Variants in ROBO1 observed in about 807,000 individuals in gnomAD.
ROBO1 encodes roundabout homolog 1.
Under a neutral mutation model 195.9 loss-of-function variants are expected in ROBO1, and 149 were observed. That is an observed-to-expected ratio of 0.76 (90% CI 0.67 to 0.87). The LOEUF (loss-of-function observed/expected upper bound fraction) is 0.87, where lower values mean the gene tolerates loss of function less well. Among genes scored for constraint, ROBO1 ranks in the 40% least tolerant of loss-of-function variants. The pLI is 0.00. For synonymous variants in ROBO1, 816 were observed against 733.2 expected, an observed-to-expected ratio of 1.11 and a Z score of -1.82; for missense variants, 1,933 against 2,068.3, an observed-to-expected ratio of 0.93 and a Z score of 1.27.
chr3:79,176,294 A>C (rs1362255791), intron 2 of ROBO1, among the ~76,000 whole-genome samples: 1 of 152,190 alleles, frequency 6.6e-6, no homozygotes, highest in African/African-American at 2.4e-5. Context: ...CTCTCTGCTT[A>C]ATGTCATGAC....
intron 2 of ROBO1, among the ~76,000 whole-genome samples, chr3:79,176,592 G>T (rs1457843557): frequency 6.6e-6 from 1 of 151,956 alleles, no homozygotes; most frequent in African/African-American, 2.4e-5. Context: ...CAAGTAGCTG[G>T]GACTACAGGC....
At chr3:79,006,509 CTTATTA>C (rs1274185075) in intron 3 of ROBO1, among the ~76,000 whole-genome samples, 6 of 151,858 alleles carry the variant, frequency 4.0e-5, no homozygotes, top group African/African-American at 1.5e-4. Flanking sequence ...GGTGCAAGCG[CTTATTA>C]TTATTATTAA....
intron 4 of ROBO1, among the ~76,000 whole-genome samples, chr3:78,754,294 G>GT (rs1398462030): frequency 6.6e-6 from 1 of 152,118 alleles, no homozygotes; most frequent in Non-Finnish European, 1.5e-5. Flanking sequence ...ATTGATGAGG[G>GT]TTTTAAAGTG....
At chr3:79,718,674 A>G (rs1702584066) in intron 1 of ROBO1, among the ~76,000 whole-genome samples, 1 of 152,096 alleles carries the variant, frequency 6.6e-6, no homozygotes, top group South Asian at 2.1e-4. Flanking sequence ...AGCCACAAAT[A>G]GAAAATGGGC....
At chr3:79,534,370 A>G (rs963329206) in intron 2 of ROBO1, among the ~76,000 whole-genome samples, 7 of 151,972 alleles carry the variant, frequency 4.6e-5, no homozygotes, top group African/African-American at 7.2e-5. Flanking sequence ...TGTAGAGAGC[A>G]TAGTTGTCGC....
intron 24 of ROBO1, among the ~76,000 whole-genome samples, chr3:78,633,048 T>C (rs1298316564): frequency 6.6e-6 from 1 of 152,154 alleles, no homozygotes; most frequent in Non-Finnish European, 1.5e-5. Flanking sequence ...CAGACCAGCG[T>C]GTTAGTTAAG....
intron 10 of ROBO1, among the ~76,000 whole-genome samples, chr3:78,681,540 T>G (rs1237247963): frequency 6.6e-6 from 1 of 152,168 alleles, no homozygotes; most frequent in African/African-American, 2.4e-5. Flanking sequence ...AACCTATATT[T>G]GAAGAGTTAG....
At chr3:79,167,534 A>G (rs1405321264) in intron 2 of ROBO1, among the ~76,000 whole-genome samples, 2 of 152,206 alleles carry the variant, frequency 1.3e-5, no homozygotes, top group African/African-American at 4.8e-5. Context: ...TGATAAAACT[A>G]TGCAATTGCC....
In ROBO1 at chr3:78,916,208, C is replaced by A. The variant is rs576340401; in HGVS notation, c.499+22393G>T. 2.7e-5 allele frequency among the ~76,000 whole-genome samples: 4 copies of A among 148,528 alleles called. No individual in the cohort carries two copies. The South Asian group carries it at 8.6e-4, about 32-fold the overall frequency. ...GAGCTTGCAGTGAGCCGAGATCGCG[C>A]CACTGCACTCCAGCCTGGGCGACAG... On this transcript the variant is annotated intron_variant, in intron 4 of 30. Coordinates refer to ENST00000464233, the MANE Select transcript of ROBO1 (RefSeq NM_002941.4).
intron 2 of ROBO1, among the ~76,000 whole-genome samples, chr3:79,517,304 G>A (rs934643612): frequency 1.1e-4 from 17 of 152,056 alleles, no homozygotes; most frequent in African/African-American, 3.6e-4. Context: ...CTTCTTGTCT[G>A]TATCTAACTT....
At chr3:79,135,218 T>G (rs1185456042) in intron 2 of ROBO1, among the ~76,000 whole-genome samples, 1 of 152,130 alleles carries the variant, frequency 6.6e-6, no homozygotes, top group Admixed American at 6.5e-5. Context: ...AGTGAAAAAT[T>G]GTTGGAAGAT....
intron 8 of ROBO1, among the ~76,000 whole-genome samples, 197 bp from the exon 9 acceptor site, chr3:78,688,969 T>C (rs555206373): frequency 6.6e-6 from 1 of 152,234 alleles, no homozygotes; most frequent in African/African-American, 2.4e-5. Context: ...AGAGTTGTTA[T>C]ATGAAGTTTT....
chr3:79,722,284 T>G (rs1436647780), intron 1 of ROBO1, among the ~76,000 whole-genome samples: 3 of 152,220 alleles, frequency 2.0e-5, no homozygotes, highest in African/African-American at 7.2e-5. Flanking sequence ...CTCTCATACA[T>G]CTTTAGAAAT....
At chr3:79,184,782 C>T (rs761595842) in intron 2 of ROBO1, among the ~76,000 whole-genome samples, 14 of 152,136 alleles carry the variant, frequency 9.2e-5, no homozygotes, top group Non-Finnish European at 1.6e-4. Flanking sequence ...TGGAGCCTTT[C>T]GATTGTATGT....
chr3:79,111,550 C>T (rs2079887222), intron 3 of ROBO1, among the ~76,000 whole-genome samples: 1 of 152,084 alleles, frequency 6.6e-6, no homozygotes, highest in African/African-American at 2.4e-5. Context: ...CATCGCTGCT[C>T]ATTACCTTTA....
chr3:79,349,166 A>T (rs548670151), intron 2 of ROBO1, among the ~76,000 whole-genome samples: 1 of 152,296 alleles, frequency 6.6e-6, no homozygotes, highest in African/African-American at 2.4e-5. Context: ...TTTAATTTAT[A>T]ACCAGCATCT....
At chr3:78,797,841 T>C (rs2084231469) in intron 4 of ROBO1, among the ~76,000 whole-genome samples, 1 of 152,200 alleles carries the variant, frequency 6.6e-6, no homozygotes, top group African/African-American at 2.4e-5. Flanking sequence ...TTTCAAATCA[T>C]GGAATATCTG....
At chr3:79,397,845 T>C (rs1175294967) in intron 2 of ROBO1, among the ~76,000 whole-genome samples, 1 of 152,240 alleles carries the variant, frequency 6.6e-6, no homozygotes, top group East Asian at 1.9e-4. Context: ...GTCTCTCATA[T>C]TATTCATCTG....
chr3:79,292,053 C>G (rs993556070), intron 2 of ROBO1, among the ~76,000 whole-genome samples: 3 of 152,038 alleles, frequency 2.0e-5, no homozygotes, highest in Admixed American at 2.0e-4. Context: ...GAACTGAATA[C>G]CCCCGTATAT....
Sources: gnomAD v4.1 joint callset for allele counts (sites outside exome capture counted in the v4.1 genomes callset) on GRCh38, gnomAD v4.1.1 for gene constraint, MANE v1.5 for transcripts, NCBI Gene and HGNC (gene_info 2026-07-23, HGNC 2026-07-21) for gene names.